Variants in TYW1 observed in about 807,000 individuals in gnomAD.
TYW1 encodes tRNA-yW synthesizing protein 1 homolog.
In TYW1, 46 loss-of-function variants were observed where a neutral mutation model predicts 96.2. The ratio of observed to expected loss-of-function variants is 0.48; its 90% CI spans 0.38 to 0.61. The LOEUF is 0.61. Ranked by LOEUF, TYW1 falls within the 20% of genes least tolerant of loss-of-function variation. The probability of loss-of-function intolerance (pLI) is 0.00; values close to 1 mark genes in which losing one functional copy is unlikely to be tolerated. For synonymous variants in TYW1, 274 were observed against 323.0 expected, an observed-to-expected ratio of 0.85 and a Z score of 1.63; for missense variants, 684 against 909.6, an observed-to-expected ratio of 0.75 and a Z score of 3.19.
At chr7:67,223,867 A>C (rs555569476) in intron 15 of TYW1, among the ~76,000 whole-genome samples, 1 of 151,038 alleles carries the variant, frequency 6.6e-6, no homozygotes, top group African/African-American at 2.4e-5. Context: ...GAATGTTACA[A>C]GCCTTCAATA....
rs184644676 is a variant in TYW1, at chr7:67,183,245, C to G, written c.1809+9C>G. The stretch of plus-strand genomic sequence containing the variant: ...ACTTCATCGAAGTGAAGGTAAGCCC[C>G]TGCTGACTCTGGTGGCTGTGGTGGA... On this transcript the variant is annotated intron_variant, in intron 14 of 15. Coordinates refer to ENST00000359626, the MANE Select transcript of TYW1 (RefSeq NM_018264.4). The G allele has an allele frequency of 4.5e-3, 7,192 of 1,592,470 alleles. 26 individuals carry two copies. Among genetic ancestry groups the G allele is most frequent in the Non-Finnish European group, 5.6e-3 (6,558 of 1,169,016 alleles).
At chr7:67,140,449 T>C (rs900473304) in intron 13 of TYW1, among the ~76,000 whole-genome samples, 14 of 152,178 alleles carry the variant, frequency 9.2e-5, no homozygotes, top group African/African-American at 3.4e-4. Context: ...TGGTACACTT[T>C]TAAAAAATGT....
At chr7:66,997,352 A>G (rs1793206652) in intron 1 of TYW1, among the ~76,000 whole-genome samples, 1 of 152,086 alleles carries the variant, frequency 6.6e-6, no homozygotes, top group Non-Finnish European at 1.5e-5. Context: ...AAGGTCAGTT[A>G]CTTGAGAATC....
intron 13 of TYW1, among the ~76,000 whole-genome samples, chr7:67,153,398 G>T (rs9690121): frequency 0.26 from 39,431 of 152,094 alleles, 5,590 homozygotes; most frequent in African/African-American, 0.38. Flanking sequence ...GGAGGTTGCA[G>T]TGAGCCGAGA....
intron 13 of TYW1, among the ~76,000 whole-genome samples, chr7:67,120,234 A>G (rs1295549675): frequency 1.3e-5 from 2 of 151,946 alleles, no homozygotes; most frequent in Admixed American, 1.3e-4. Flanking sequence ...GGTGTGTACC[A>G]CCATGCCCGG....
At chr7:67,135,302 G>GT (rs869257148) in intron 13 of TYW1, among the ~76,000 whole-genome samples, 3,881 of 111,736 alleles carry the variant, frequency 0.035, 165 homozygotes, top group Admixed American at 0.061. Flanking sequence ...TGTTAAAACA[G>GT]TTTTTTTTTT....
At chr7:67,226,846 C>T (rs554890919) in intron 15 of TYW1, among the ~76,000 whole-genome samples, 1 of 152,070 alleles carries the variant, frequency 6.6e-6, no homozygotes, top group Non-Finnish European at 1.5e-5. Flanking sequence ...TTCCTCTACT[C>T]CCACACAGTT....
At chr7:67,040,974 TGAA>T (rs1411952678) in intron 7 of TYW1, among the ~76,000 whole-genome samples, 16 of 152,336 alleles carry the variant, frequency 1.1e-4, no homozygotes, top group African/African-American at 3.4e-4. Context: ...AAAACACTAA[TGAA>T]GATTTCAGAC....
At chr7:66,997,826 A>AC (rs1028019695) in intron 1 of TYW1, among the ~76,000 whole-genome samples, 1 of 148,272 alleles carries the variant, frequency 6.7e-6, no homozygotes, top group Non-Finnish European at 1.5e-5. Context: ...GCGGGGTTTC[A>AC]CCATGTTGGC....
rs1796651225 is a variant in TYW1 at position 67,089,540 on chromosome 7, T to G, written c.1384+6001T>G. On this transcript the variant is annotated intron_variant, in intron 11 of 15. Coordinates refer to ENST00000359626, the MANE Select transcript of TYW1 (RefSeq NM_018264.4). ...CTTTCTAGGGTGAGTTCCCACCCCA[T>G]GACAAAGAACGCCTGCCGTCTGTCC... is the stretch of plus-strand genomic sequence containing the variant. The G allele has an allele frequency of 8.9e-6, 6 of 675,236 alleles. No individual in the cohort carries two copies. In the Admixed American group the frequency reaches 1.5e-4, roughly 17 times the overall value. 41.8% of individuals were successfully genotyped at this position (675,236 alleles called of 1,614,324 possible). A position where few individuals can be genotyped will look rare whatever the true frequency, so the allele number is the denominator to read the frequency against.
At chr7:67,187,517 A>G (rs1191093469) in intron 14 of TYW1, among the ~76,000 whole-genome samples, 1 of 152,242 alleles carries the variant, frequency 6.6e-6, no homozygotes, top group Non-Finnish European at 1.5e-5. Flanking sequence ...ACTGGAGGTC[A>G]GTCTCATGCT....
chr7:67,230,602 A>G (rs1801721113), intron 15 of TYW1, among the ~76,000 whole-genome samples: 2 of 147,852 alleles, frequency 1.4e-5, no homozygotes. Context: ...TAGCATACTT[A>G]TATTGCTGCT....
intron 7 of TYW1, among the ~76,000 whole-genome samples, chr7:67,032,657 G>T (rs78757584): frequency 0.04 from 6,027 of 151,962 alleles, 184 homozygotes; most frequent in Middle Eastern, 0.11. Flanking sequence ...GTTCTTACTT[G>T]ATCACTGCTG....
chr7:67,120,223 A>G (rs1394410947), intron 13 of TYW1, among the ~76,000 whole-genome samples: 2 of 152,046 alleles, frequency 1.3e-5, no homozygotes, highest in Non-Finnish European at 2.9e-5. Flanking sequence ...CTAGGATTAC[A>G]GGTGTGTACC....
At chr7:67,021,108 A>G (rs1794245952) in intron 6 of TYW1, among the ~76,000 whole-genome samples, 1 of 152,294 alleles carries the variant, frequency 6.6e-6, no homozygotes, top group Admixed American at 6.5e-5. Flanking sequence ...AGTTCAGGCC[A>G]ACATCTTTTC....
At chr7:67,015,578 C>G (rs1793987418) in intron 5 of TYW1, among the ~76,000 whole-genome samples, 1 of 152,124 alleles carries the variant, frequency 6.6e-6, no homozygotes. Flanking sequence ...GTTCAAACTC[C>G]TGGCCTCAAG....
intron 13 of TYW1, among the ~76,000 whole-genome samples, chr7:67,148,572 C>T (rs1387670302): frequency 6.6e-6 from 1 of 151,222 alleles, no homozygotes; most frequent in Non-Finnish European, 1.5e-5. Context: ...ACTACAGGCG[C>T]CTGCCACCAC....
At chr7:67,178,004 G>GAAA (rs575371772) in intron 13 of TYW1, among the ~76,000 whole-genome samples, 2 of 124,870 alleles carry the variant, frequency 1.6e-5, no homozygotes, top group African/African-American at 6.0e-5. Flanking sequence ...AAAAAAAAAA[G>GAAA]AAAAAAAAAA....
At chr7:67,138,095 C>G (rs1434095165) in intron 13 of TYW1, among the ~76,000 whole-genome samples, 5 of 152,142 alleles carry the variant, frequency 3.3e-5, no homozygotes, top group African/African-American at 9.7e-5. Flanking sequence ...GCTTGCTTTG[C>G]AGACACCCCA....
Sources: allele counts gnomAD v4.1 joint callset (sites outside exome capture counted in the v4.1 genomes callset), GRCh38; gene constraint gnomAD v4.1.1; transcripts MANE v1.5; gene names NCBI Gene and HGNC (gene_info 2026-07-23, HGNC 2026-07-21).